Variants in GFRA1 observed in about 807,000 individuals in gnomAD.
GFRA1 encodes GDNF family receptor alpha 1.
Under a neutral mutation model 51.6 loss-of-function variants are expected in GFRA1, and 16 were observed. The ratio of observed to expected loss-of-function variants is 0.31; its 90% CI spans 0.21 to 0.47. The LOEUF (loss-of-function observed/expected upper bound fraction) is 0.47, where lower values mean the gene tolerates loss of function less well. GFRA1 is among the 20% of genes least tolerant of loss of function. The pLI, the probability that GFRA1 is intolerant of heterozygous loss-of-function variation, is 1.00. For missense variants in GFRA1, 530 were observed against 594.3 expected, an observed-to-expected ratio of 0.89 and a Z score of 1.13; for synonymous variants, 270 against 241.3, an observed-to-expected ratio of 1.12 and a Z score of -1.10.
At chr10:116,249,280 C>T (rs1968120721) in intron 4 of GFRA1, among the ~76,000 whole-genome samples, 2 of 151,908 alleles carry the variant, frequency 1.3e-5, no homozygotes, top group Admixed American at 1.3e-4. Flanking sequence ...GGATGGTGTA[C>T]ATGAGGCTGT....
intron 5 of GFRA1, among the ~76,000 whole-genome samples, chr10:116,143,930 G>A (rs992056956): frequency 1.3e-5 from 2 of 152,266 alleles, no homozygotes; most frequent in Admixed American, 6.5e-5. Flanking sequence ...TGGCCTAAAT[G>A]TTCTTTGTCA....
intron 5 of GFRA1, among the ~76,000 whole-genome samples, chr10:116,173,345 G>A (rs1163165207): frequency 1.3e-5 from 2 of 152,100 alleles, no homozygotes; most frequent in Non-Finnish European, 2.9e-5. Context: ...TGTGTTGATT[G>A]GAGGGTTGAT....
intron 9 of GFRA1, among the ~76,000 whole-genome samples, chr10:116,084,783 C>T (rs2133850461): frequency 6.6e-6 from 1 of 151,288 alleles, no homozygotes; most frequent in Middle Eastern, 3.4e-3. Context: ...CACACACACA[C>T]ACACACACAC....
intron 5 of GFRA1, among the ~76,000 whole-genome samples, chr10:116,198,939 A>G (rs1278042314): frequency 6.6e-6 from 1 of 152,188 alleles, no homozygotes; most frequent in African/African-American, 2.4e-5. Flanking sequence ...TGGTGTCCTC[A>G]TAAGAAAAGA....
rs1360000300 is a variant in GFRA1, at chr10:116,065,574, T to C, written c.1250A>G (p.Asn417Ser). The C allele has an allele frequency of 7.4e-6, 12 of 1,611,886 alleles. No individual in the cohort carries two copies. Among genetic ancestry groups the C allele is most frequent in the Non-Finnish European group, 1.0e-5 (12 of 1,178,048 alleles). ...AGCCTCCAAAAGAAACATACTTACATTGGAAATACAGAGGTGTGTATTGCC... is the reference window on the plus strand; with the variant it reads ...AGCCTCCAAAAGAAACATACTTACACTGGAAATACAGAGGTGTGTATTGCC... ...VSGNTHLCIS[N>S]GNYEKEGLGA... Residue 417 changes from asparagine (N) to serine (S), a missense_variant and splice_region_variant, in exon 10 of 11, where the codon AAT becomes AGT. Coordinates refer to ENST00000355422, the MANE Select transcript of GFRA1 (RefSeq NM_005264.8).
chr10:116,180,510 AATG>A (rs1589850041), intron 5 of GFRA1, among the ~76,000 whole-genome samples: 2 of 152,230 alleles, frequency 1.3e-5, no homozygotes, highest in Non-Finnish European at 2.9e-5. Flanking sequence ...CAAATAACAG[AATG>A]ATATGATTAA....
intron 4 of GFRA1, among the ~76,000 whole-genome samples, chr10:116,264,226 C>G (rs2134779777): frequency 6.6e-6 from 1 of 152,202 alleles, no homozygotes; most frequent in South Asian, 2.1e-4. Context: ...ACACTGGCTC[C>G]CCCTACACCA....
At chr10:116,108,094 G>T (rs769963661) in intron 6 of GFRA1, among the ~76,000 whole-genome samples, 1 of 152,088 alleles carries the variant, frequency 6.6e-6, no homozygotes, top group Non-Finnish European at 1.5e-5. Flanking sequence ...TTTCTGAATG[G>T]CTAACAACCT....
chr10:116,195,793 C>T (rs1756745862), intron 5 of GFRA1, among the ~76,000 whole-genome samples: 1 of 152,158 alleles, frequency 6.6e-6, no homozygotes, highest in African/African-American at 2.4e-5. Context: ...TCAGCTCAGG[C>T]CCAAACTTGC....
chr10:116,136,479 C>A (rs188881289), intron 5 of GFRA1, among the ~76,000 whole-genome samples: 1 of 152,150 alleles, frequency 6.6e-6, no homozygotes, highest in African/African-American at 2.4e-5. Flanking sequence ...GAATCCAAAA[C>A]CCCCCTCTTC....
chr10:116,129,157 TTTTATAACC>T (rs1958001160), intron 5 of GFRA1, among the ~76,000 whole-genome samples: 1 of 152,194 alleles, frequency 6.6e-6, no homozygotes, highest in Admixed American at 6.5e-5. Context: ...CACAAAATAT[TTTTATAACC>T]TTTCCGAACT....
intron 9 of GFRA1, among the ~76,000 whole-genome samples, chr10:116,078,057 C>T (rs1423920703): frequency 6.6e-6 from 1 of 152,178 alleles, no homozygotes. Flanking sequence ...GGGTGCCACA[C>T]ATATGTACCT....
intron 9 of GFRA1, among the ~76,000 whole-genome samples, chr10:116,072,960 G>C (rs1201339348): frequency 6.6e-6 from 1 of 152,140 alleles, no homozygotes; most frequent in Non-Finnish European, 1.5e-5. Context: ...TAGCCTCTCT[G>C]TGGTTGATGG....
rs67642059 is a variant in GFRA1 at position 116,128,725 on chromosome 10, C to CAAAAA, written c.434-3173_434-3169dup. On this transcript the variant is annotated intron_variant, in intron 5 of 10. Transcript: ENST00000355422. ...TGGGGGACTGAGTGAGACTCTGTCT[C>CAAAAA]AAAAAAAAAAAAAAAAAAAAAAAAA... 4.4e-3 allele frequency among the ~76,000 whole-genome samples: 382 copies of CAAAAA among 87,808 alleles called. 14 individuals carry two copies. The highest frequency in any genetic ancestry group is 0.016 in the African/African-American group (359 of 22,566). The allele number at this position is 87,808 out of a possible 152,430, so 57.6% of individuals were successfully genotyped here.
At chr10:116,078,451 C>T (rs1169940655) in intron 9 of GFRA1, among the ~76,000 whole-genome samples, 1 of 152,144 alleles carries the variant, frequency 6.6e-6, no homozygotes, top group Non-Finnish European at 1.5e-5. Flanking sequence ...GAAGCAGGTT[C>T]ACCACACAGG....
At chr10:116,108,293 T>C (rs148371956) in intron 6 of GFRA1, among the ~76,000 whole-genome samples, 9 of 152,194 alleles carry the variant, frequency 5.9e-5, no homozygotes, top group Admixed American at 2.0e-4. Flanking sequence ...TAGTTCCTAA[T>C]ATCTTCCTTC....
chr10:116,066,601 GAAGTT>G (rs1369383205), intron 9 of GFRA1, among the ~76,000 whole-genome samples: 1 of 152,188 alleles, frequency 6.6e-6, no homozygotes, highest in African/African-American at 2.4e-5. Context: ...AGAGCCCAGA[GAAGTT>G]AAGTGACTAA....
chr10:116,145,988 A>G (rs1471401944), intron 5 of GFRA1, among the ~76,000 whole-genome samples: 1 of 152,136 alleles, frequency 6.6e-6, no homozygotes, highest in Non-Finnish European at 1.5e-5. Flanking sequence ...TATAAAGAAT[A>G]AAAACCTAGA....
chr10:116,089,691 C>A (rs376605649), intron 9 of GFRA1, 50 bp downstream of exon 9: 8 of 1,490,502 alleles, frequency 5.4e-6, no homozygotes, highest in African/African-American at 2.8e-5. Context: ...CGTGTTTCAC[C>A]CCCCCACCAG....
Sources: gnomAD v4.1 joint callset for allele counts (sites outside exome capture counted in the v4.1 genomes callset) on GRCh38, gnomAD v4.1.1 for gene constraint, MANE v1.5 for transcripts, NCBI Gene and HGNC (gene_info 2026-07-23, HGNC 2026-07-21) for gene names.